The following SEPTIN7 variants were observed in gnomAD, a reference collection of about 807,000 sequenced individuals.
The protein encoded by SEPTIN7 is septin-7.
SEPTIN7 carries 10 observed loss-of-function variants against 63.3 expected under a neutral mutation model. The observed-to-expected ratio is 0.16, with a 90% confidence interval of 0.10 to 0.27. The LOEUF is 0.27. Ranked by LOEUF, SEPTIN7 falls within the 10% of genes least tolerant of loss-of-function variation. The pLI, the probability that SEPTIN7 is intolerant of heterozygous loss-of-function variation, is 1.00. For missense variants in SEPTIN7, 310 were observed against 521.0 expected, an observed-to-expected ratio of 0.59 and a Z score of 3.94; for synonymous variants, 131 against 165.3, an observed-to-expected ratio of 0.79 and a Z score of 1.59.
At chr7:35,859,944 C>T (rs921263170) in intron 3 of SEPTIN7, among the ~76,000 whole-genome samples, 1 of 152,022 alleles carries the variant, frequency 6.6e-6, no homozygotes, top group Non-Finnish European at 1.5e-5. Flanking sequence ...CATTCTGTGC[C>T]TTTAATTGGG....
At chr7:35,898,194 T>C (rs1247986067) in intron 11 of SEPTIN7, 54 bp from the exon 12 acceptor site, 7 of 1,392,718 alleles carry the variant, frequency 5.0e-6, no homozygotes, top group South Asian at 1.7e-5. Flanking sequence ...CATAGTTCTG[T>C]ATTATAATTT....
intron 1 of SEPTIN7, among the ~76,000 whole-genome samples, chr7:35,807,333 G>T (rs1198736322): frequency 7.1e-6 from 1 of 140,724 alleles, no homozygotes; most frequent in Non-Finnish European, 1.5e-5. Context: ...ACAGGCATGT[G>T]CCACCATGCC....
At chr7:35,877,803 G>C (rs1786563965) in intron 6 of SEPTIN7, among the ~76,000 whole-genome samples, 1 of 152,186 alleles carries the variant, frequency 6.6e-6, no homozygotes, top group Admixed American at 6.5e-5. Context: ...TGAGGATACA[G>C]ATAAATTGAG....
At chr7:35,885,338 A>G (rs1787160934) in intron 9 of SEPTIN7, among the ~76,000 whole-genome samples, 1 of 152,082 alleles carries the variant, frequency 6.6e-6, no homozygotes, top group South Asian at 2.1e-4. Flanking sequence ...ATTGATTTGC[A>G]TCTCTCTTTT....
chr7:35,801,195 G>T lies in SEPTIN7; in HGVS notation c.-15G>T. The T allele has an allele frequency of 6.7e-7, 1 of 1,496,770 alleles. No homozygotes were observed. The highest frequency in any genetic ancestry group is 8.9e-7 in the Non-Finnish European group (1 of 1,121,406). The allele number at this position is 1,496,770 out of a possible 1,614,324, so 92.7% of individuals were successfully genotyped here. ...GCTGCGCTCCGCTGGGGCTGGTCGCGGAGGGGGGGAGGGGATGTCGGTCAG... is the reference window on the plus strand; with the variant it reads ...GCTGCGCTCCGCTGGGGCTGGTCGCTGAGGGGGGGAGGGGATGTCGGTCAG... On this transcript the variant is annotated 5_prime_UTR_variant, in exon 1 of 14. Transcript: ENST00000350320.
downstream of SEPTIN7, among the ~76,000 whole-genome samples, chr7:35,908,297 T>C (rs1302145482): frequency 6.6e-6 from 1 of 152,222 alleles, no homozygotes; most frequent in Non-Finnish European, 1.5e-5. Context: ...AAATAGAGGC[T>C]GACAATTTCC....
At chr7:35,903,288 A>C (rs1166684364) in intron 13 of SEPTIN7, 73 bp downstream of exon 13, 2 of 1,449,420 alleles carry the variant, frequency 1.4e-6, no homozygotes, top group Non-Finnish European at 1.8e-6. Flanking sequence ...TTATTTAAAA[A>C]ACATTAGAAT....
intron 1 of SEPTIN7, among the ~76,000 whole-genome samples, chr7:35,813,308 C>T (rs956307640): frequency 2.8e-4 from 42 of 151,966 alleles, no homozygotes; most frequent in Admixed American, 1.9e-3. Context: ...ATCATTTTAG[C>T]ACCTCCTTGG....
chr7:35,801,195 G>A lies in SEPTIN7; in HGVS notation c.-15G>A. 2 of 1,496,772 alleles carry A rather than the reference G, an allele frequency of 1.3e-6. No homozygotes were observed. The highest frequency in any genetic ancestry group is 1.8e-6 in the Non-Finnish European group (2 of 1,121,406). The allele number at this position is 1,496,772 out of a possible 1,614,324, so 92.7% of individuals were successfully genotyped here. ...GCTGCGCTCCGCTGGGGCTGGTCGC[G>A]GAGGGGGGGAGGGGATGTCGGTCAG... On this transcript the variant is annotated 5_prime_UTR_variant, in exon 1 of 14. Transcript: ENST00000350320.
At chr7:35,885,735 CTTG>C (rs1449921447) in intron 9 of SEPTIN7, 90 bp from the exon 10 acceptor site, 6 of 946,502 alleles carry the variant, frequency 6.3e-6, no homozygotes, top group Admixed American at 2.1e-5. Flanking sequence ...ATTTCCTCTT[CTTG>C]TTTTTACACC....
chr7:35,820,195 T>G (rs1160789957), intron 1 of SEPTIN7, among the ~76,000 whole-genome samples: 1 of 152,202 alleles, frequency 6.6e-6, no homozygotes, highest in Non-Finnish European at 1.5e-5. Context: ...GCTTTCAAGA[T>G]TCTCTGTTTT....
At chr7:35,915,130 T>TAC in the SEPTIN7 span, among the ~76,000 whole-genome samples, 1 of 133,332 alleles carries the variant, frequency 7.5e-6, no homozygotes, top group East Asian at 2.0e-4. Flanking sequence ...TGTGTATATA[T>TAC]ACATGCATAT....
Position 35,824,037 on chromosome 7 carries a change from C to T in SEPTIN7, c.62-7455C>T, listed in dbSNP as rs74301272. Among the ~76,000 whole-genome samples, 13 of 148,608 alleles carry T rather than the reference C, an allele frequency of 8.7e-5. No homozygotes were observed. The East Asian group carries it at 2.4e-3, about 27-fold the overall frequency. On this transcript the variant is annotated intron_variant, in intron 1 of 13. Transcript: ENST00000350320. The stretch of plus-strand genomic sequence containing the variant: ...TTTTTTTTTTTAAGTGCTTAAAACT[C>T]TTGACCTTGTATTTTCTGGCTGCTA...
intron 11 of SEPTIN7, among the ~76,000 whole-genome samples, chr7:35,894,737 G>A (rs1787859942): frequency 6.6e-6 from 1 of 152,126 alleles, no homozygotes; most frequent in Non-Finnish European, 1.5e-5. Flanking sequence ...CTAACCACTG[G>A]AGCAAAAGTA....
chr7:35,872,706 A>G lies in SEPTIN7; in HGVS notation c.317A>G (p.Gln106Arg). 6.2e-7 allele frequency: 1 copy of G among 1,612,772 alleles called. No homozygotes were observed. The highest frequency in any genetic ancestry group is 1.1e-5 in the South Asian group (1 of 91,054). Reference sequence around the variant, plus strand: ...GTTTTAATCAAAGAAGGTGGTGTTCAGTTGCTGCTCACAATAGTTGATACC... The same window carrying G: ...GTTTTAATCAAAGAAGGTGGTGTTCGGTTGCTGCTCACAATAGTTGATACC... ...SKVLIKEGGVQLLLTIVDTPG... is the reference protein window; with the variant it reads ...SKVLIKEGGVRLLLTIVDTPG... Residue 106 changes from glutamine to arginine, a missense_variant, in exon 5 of 14, where the codon CAG becomes CGG. Gln to Arg is a conservative substitution (Grantham distance 43). Transcript: ENST00000350320.
At chr7:35,807,123 G>GA (rs1788394363) in intron 1 of SEPTIN7, among the ~76,000 whole-genome samples, 1 of 152,064 alleles carries the variant, frequency 6.6e-6, no homozygotes, top group Non-Finnish European at 1.5e-5. Context: ...TAGCAATCAA[G>GA]AAAGCTGTGG....
chr7:35,909,431 G>C (rs1583667485), downstream of SEPTIN7, among the ~76,000 whole-genome samples: 1 of 152,192 alleles, frequency 6.6e-6, no homozygotes, highest in East Asian at 1.9e-4. Flanking sequence ...TCTCCATTCA[G>C]GTATGATTGG....
intron 1 of SEPTIN7, among the ~76,000 whole-genome samples, chr7:35,826,853 G>C (rs1401771102): frequency 6.6e-6 from 1 of 152,092 alleles, no homozygotes; most frequent in Non-Finnish European, 1.5e-5. Flanking sequence ...TGGCATTTTA[G>C]ATAGCAAGAT....
At chr7:35,817,915 A>AT (rs1235821045) in intron 1 of SEPTIN7, among the ~76,000 whole-genome samples, 2 of 149,978 alleles carry the variant, frequency 1.3e-5, no homozygotes, top group African/African-American at 4.9e-5. Context: ...ATTCTTTTGG[A>AT]TTTTTTATTT....
Sources: gnomAD v4.1 joint callset for allele counts (sites outside exome capture counted in the v4.1 genomes callset) on GRCh38, gnomAD v4.1.1 for gene constraint, MANE v1.5 for transcripts, NCBI Gene and HGNC (gene_info 2026-07-23, HGNC 2026-07-21) for gene names.